ZNF521: variants seen among roughly 807,000 people sequenced by gnomAD.
ZNF521 encodes LYST-interacting protein 3.
In ZNF521, 14 loss-of-function variants were observed where a neutral mutation model predicts 105.5. The observed-to-expected ratio is 0.13, with a 90% CI of 0.09 to 0.21. The LOEUF (loss-of-function observed/expected upper bound fraction) is 0.21, where lower values mean the gene tolerates loss of function less well. Ranked by LOEUF, ZNF521 falls within the 10% of genes least tolerant of loss-of-function variation. ZNF521 has a pLI of 1.00. For missense variants in ZNF521, 1,233 were observed against 1,629.7 expected (o/e 0.76, Z 4.19); for synonymous variants, 635 against 606.0 (o/e 1.05, Z -0.70).
chr18:25,187,119 GA>G (rs2035739396), intron 5 of ZNF521, among the ~76,000 whole-genome samples: 1 of 151,936 alleles, frequency 6.6e-6, no homozygotes, highest in Admixed American at 6.6e-5. Flanking sequence ...TAAACCGCTA[GA>G]AAAATGCCAT....
chr18:25,223,724 C>G (rs937008001), intron 4 of ZNF521, among the ~76,000 whole-genome samples: 6 of 151,378 alleles, frequency 4.0e-5, no homozygotes, highest in African/African-American at 1.5e-4. Flanking sequence ...ATTTTGAAAC[C>G]CAGAGAGTAG....
At position 25,344,221 on chromosome 18, in the gene ZNF521, C is replaced by T. The variant is rs564811551; in HGVS notation, c.40+6686G>A. On this transcript the variant is annotated intron_variant, in intron 2 of 7. Transcript: ENST00000361524. ...TTTTTTATTAAAAAAAAAAAAAAAGCTGCGATTCTACTTAGTTTTCAGAGA... is the reference window on the plus strand; with the variant it reads ...TTTTTTATTAAAAAAAAAAAAAAAGTTGCGATTCTACTTAGTTTTCAGAGA... 1.9e-3 allele frequency among the ~76,000 whole-genome samples: 174 copies of T among 91,056 alleles called. 1 individual carries two copies. Among genetic ancestry groups the T allele is most frequent in the African/African-American group, 6.5e-3 (158 of 24,282 alleles). 59.7% of individuals were successfully genotyped at this position (91,056 alleles called of 152,430 possible).
chr18:25,293,906 TAAAG>T (rs1911175143), intron 3 of ZNF521, among the ~76,000 whole-genome samples: 1 of 152,188 alleles, frequency 6.6e-6, no homozygotes. Context: ...ACTAGCAAAT[TAAAG>T]ATAATTTTTT....
chr18:25,107,130 A>G (rs1446926632), intron 5 of ZNF521, among the ~76,000 whole-genome samples: 1 of 152,208 alleles, frequency 6.6e-6, no homozygotes, highest in Non-Finnish European at 1.5e-5. Flanking sequence ...CACATAGGTT[A>G]TTAATCCTTG....
At chr18:25,323,840 C>T (rs1368090123) in intron 2 of ZNF521, among the ~76,000 whole-genome samples, 1 of 151,956 alleles carries the variant, frequency 6.6e-6, no homozygotes, top group Non-Finnish European at 1.5e-5. Flanking sequence ...CTTCAATAAA[C>T]AACTATATCA....
intron 5 of ZNF521, among the ~76,000 whole-genome samples, chr18:25,133,439 G>C (rs76706672): frequency 6.6e-6 from 1 of 152,254 alleles, no homozygotes; most frequent in Non-Finnish European, 1.5e-5. Context: ...GTAACAATCT[G>C]TGACTATTTC....
chr18:25,325,341 G>A (rs1913157691), intron 2 of ZNF521, among the ~76,000 whole-genome samples: 1 of 152,098 alleles, frequency 6.6e-6, no homozygotes, highest in Non-Finnish European at 1.5e-5. Flanking sequence ...CATGGACTTA[G>A]TGATGTAGTT....
intron 3 of ZNF521, among the ~76,000 whole-genome samples, chr18:25,304,453 G>A (rs1246219178): frequency 2.6e-5 from 4 of 152,056 alleles, no homozygotes; most frequent in Non-Finnish European, 2.9e-5. Flanking sequence ...CTTTACATTC[G>A]GTTTTTTGTG....
intron 5 of ZNF521, 31 bp from the exon 6 acceptor site, chr18:25,092,112 T>C (rs780941168): frequency 6.2e-7 from 1 of 1,612,556 alleles, no homozygotes; most frequent in Admixed American, 1.7e-5. Context: ...AGAGAAATGA[T>C]GAAAACCTGT....
At chr18:25,163,648 T>C (rs955064334) in intron 5 of ZNF521, among the ~76,000 whole-genome samples, 2 of 152,174 alleles carry the variant, frequency 1.3e-5, no homozygotes, top group Non-Finnish European at 2.9e-5. Context: ...GCCCATTTCA[T>C]GGCTAAAGGT....
At chr18:25,089,624 G>C in intron 6 of ZNF521, 44 bp from the exon 7 acceptor site, 1 of 1,522,306 alleles carries the variant, frequency 6.6e-7, no homozygotes, top group Non-Finnish European at 9.1e-7. Context: ...TTTTGTTTCC[G>C]AAATGCCCTC....
chr18:25,080,452 T>A (rs2033469385), intron 7 of ZNF521, among the ~76,000 whole-genome samples: 1 of 152,166 alleles, frequency 6.6e-6, no homozygotes, highest in African/African-American at 2.4e-5. Flanking sequence ...GCAGAGCCTG[T>A]TCCAAGCTGT....
At chr18:25,200,551 G>A (rs571705028) in intron 4 of ZNF521, among the ~76,000 whole-genome samples, 1 of 152,164 alleles carries the variant, frequency 6.6e-6, no homozygotes, top group South Asian at 2.1e-4. Context: ...GTCTATCTAA[G>A]ACACTCTCCA....
chr18:25,157,149 G>T (rs2035161301), intron 5 of ZNF521, among the ~76,000 whole-genome samples: 1 of 152,072 alleles, frequency 6.6e-6, no homozygotes, highest in Non-Finnish European at 1.5e-5. Flanking sequence ...AGTGAGCCGA[G>T]ATTGCACCAC....
chr18:25,245,190 T>A (rs905504005), intron 3 of ZNF521, among the ~76,000 whole-genome samples: 2 of 152,216 alleles, frequency 1.3e-5, no homozygotes, highest in South Asian at 2.1e-4. Context: ...TTGTTGTGAG[T>A]CATCAATGAA....
intron 5 of ZNF521, among the ~76,000 whole-genome samples, chr18:25,181,975 A>C: frequency 6.6e-6 from 1 of 152,214 alleles, no homozygotes; most frequent in East Asian, 1.9e-4. Context: ...AATTATCTTG[A>C]TATGGAATAC....
intron 5 of ZNF521, among the ~76,000 whole-genome samples, chr18:25,178,533 A>G (rs1486386276): frequency 6.6e-6 from 1 of 152,194 alleles, no homozygotes. Flanking sequence ...ATTTACCCTG[A>G]ATTTATCCAT....
intron 5 of ZNF521, among the ~76,000 whole-genome samples, chr18:25,110,573 T>C (rs556026116): frequency 3.9e-5 from 6 of 152,188 alleles, no homozygotes; most frequent in African/African-American, 1.4e-4. Flanking sequence ...TTCTTCTTTG[T>C]ATCCTCAAAT....
At chr18:25,271,677 C>T (rs1177692597) in intron 3 of ZNF521, among the ~76,000 whole-genome samples, 1 of 152,140 alleles carries the variant, frequency 6.6e-6, no homozygotes, top group Non-Finnish European at 1.5e-5. Context: ...AAAGGATGCC[C>T]TATTTAATAA....
Sources: allele counts gnomAD v4.1 joint callset (sites outside exome capture counted in the v4.1 genomes callset), GRCh38; gene constraint gnomAD v4.1.1; transcripts MANE v1.5; gene names NCBI Gene and HGNC (gene_info 2026-07-23, HGNC 2026-07-21).